Variants in FBLN1 observed in about 807,000 individuals in gnomAD.
FBLN1 encodes the protein fibulin 1.
In FBLN1, 34 loss-of-function variants were observed where a neutral mutation model predicts 89.7. That is an observed-to-expected ratio of 0.38 (90% CI 0.29 to 0.50). The LOEUF is 0.50. FBLN1 is among the 20% of genes least tolerant of loss of function. The probability of loss-of-function intolerance (pLI) is 0.92; values close to 1 mark genes in which losing one functional copy is unlikely to be tolerated. For synonymous variants in FBLN1, 393 were observed against 391.3 expected (o/e 1.00, Z -0.05); for missense variants, 777 against 988.1 (o/e 0.79, Z 2.86).
chr22:45,503,878 G>A (rs2087982375), intron 1 of FBLN1, among the ~76,000 whole-genome samples: 1 of 152,156 alleles, frequency 6.6e-6, no homozygotes, highest in African/African-American at 2.4e-5. Flanking sequence ...CACCCAGCCC[G>A]CGCTTTTCTC....
chr22:45,507,405 A>G (rs998581709), intron 1 of FBLN1, among the ~76,000 whole-genome samples: 6 of 152,228 alleles, frequency 3.9e-5, no homozygotes, highest in South Asian at 2.1e-4. Context: ...TTCCTTCACT[A>G]TAAGATGTGA....
intron 14 of FBLN1, among the ~76,000 whole-genome samples, chr22:45,573,131 CAGG>C (rs1387570154): frequency 1.3e-5 from 2 of 151,856 alleles, no homozygotes; most frequent in East Asian, 3.9e-4. Flanking sequence ...GAGGCTGAGG[CAGG>C]AGAATTGCTT....
chr22:45,591,580 T>A (rs2089136766), intron 16 of FBLN1, among the ~76,000 whole-genome samples: 2 of 152,154 alleles, frequency 1.3e-5, no homozygotes, highest in Non-Finnish European at 2.9e-5. Context: ...ACACTTAGTA[T>A]TTTAAATATG....
intron 11 of FBLN1, among the ~76,000 whole-genome samples, chr22:45,544,380 C>T (rs550087485): frequency 6.6e-6 from 1 of 152,308 alleles, no homozygotes; most frequent in East Asian, 1.9e-4. Context: ...AGCCACCGCG[C>T]CCGGCCTGCC....
intron 2 of FBLN1, among the ~76,000 whole-genome samples, chr22:45,522,897 G>T (rs77827866): frequency 2.0e-5 from 3 of 152,178 alleles, no homozygotes; most frequent in Admixed American, 6.5e-5. Flanking sequence ...GCCAGGCTCC[G>T]TTCTGGTGAG....
chr22:45,518,473 C>G (rs2088200663), intron 1 of FBLN1: 2 of 622,302 alleles, frequency 3.2e-6, no homozygotes, highest in East Asian at 5.6e-5. Flanking sequence ...GGATTCAGGT[C>G]TTTCTTCTAG....
Position 45,550,427 on chromosome 22 carries a change from G to A in FBLN1, c.1574-65G>A, listed in dbSNP as rs571118177. 2.8e-5 allele frequency: 45 copies of A among 1,612,192 alleles called. No homozygotes were observed. The East Asian group carries it at 6.0e-4, about 22-fold the overall frequency. On this transcript the variant is annotated intron_variant, in intron 13 of 16. Coordinates refer to ENST00000327858, the MANE Select transcript of FBLN1 (RefSeq NM_006486.3). This position sits in a 1 kb window ranked among gnomAD's most constrained non-coding sequence, Gnocchi z 8.4. ...GTTGATGGGAGGCCTGGGCTCCTCC[G>A]TCTCCAGATGGGTATGGCTCCTGCA...
rs1253187708 is a variant in FBLN1 at position 45,597,345 on chromosome 22, T to C, written c.1973-2962T>C. Among the ~76,000 whole-genome samples, 2 of 152,150 alleles carry C rather than the reference T, an allele frequency of 1.3e-5. No homozygotes were observed. Among genetic ancestry groups the C allele is most frequent in the Admixed American group, 1.3e-4 (2 of 15,272 alleles). On this transcript the variant is annotated intron_variant, in intron 16 of 16. Transcript: ENST00000327858. The surrounding 1 kb of genome is among the most constrained non-coding windows in gnomAD (Gnocchi z 4.2). Reference sequence around the variant, plus strand: ...CTGTTGCTTGTGGAGGTGCCTGCCATTCCTCCCTACAGTGATTCACAGGCT... The same window carrying C: ...CTGTTGCTTGTGGAGGTGCCTGCCACTCCTCCCTACAGTGATTCACAGGCT...
Position 45,550,944 on chromosome 22 carries a change from C to G in FBLN1, c.1697+329C>G, listed in dbSNP as rs1234065666. On this transcript the variant is annotated intron_variant, in intron 14 of 16. Transcript: ENST00000327858. This position sits in a 1 kb window ranked among gnomAD's most constrained non-coding sequence, Gnocchi z 8.4. ...GCTCTCTGGGCCTCAGTTTCCTCATCTGTAACATGCAGATGTCAGAACGTG... is the reference window on the plus strand; with the variant it reads ...GCTCTCTGGGCCTCAGTTTCCTCATGTGTAACATGCAGATGTCAGAACGTG... 9.5e-6 allele frequency: 4 copies of G among 422,198 alleles called. No homozygotes were observed. The highest frequency in any genetic ancestry group is 2.0e-5 in the African/African-American group (1 of 49,406). 26.2% of individuals were successfully genotyped at this position (422,198 alleles called of 1,614,324 possible). A position where few individuals can be genotyped will look rare whatever the true frequency, so the allele number is the denominator to read the frequency against.
chr22:45,546,492 GC>G (rs1480167557), intron 11 of FBLN1, among the ~76,000 whole-genome samples: 7 of 152,356 alleles, frequency 4.6e-5, no homozygotes, highest in African/African-American at 1.7e-4. Flanking sequence ...GGAATTACAG[GC>G]ATGAGCCACC....
chr22:45,530,770 CT>C lies in FBLN1; in HGVS notation c.485-485del, dbSNP rs11319959. ...CTGTGGTCTTTCTGTTATAACTGAT[CT>C]TTTTTTTTTGAAACGGAGTCTCGCT... On this transcript the variant is annotated intron_variant, in intron 4 of 16. Transcript: ENST00000327858. This position sits in a 1 kb window ranked among gnomAD's most constrained non-coding sequence, Gnocchi z 5.4. Among the ~76,000 whole-genome samples the C allele has an allele frequency of 0.16, 23,412 of 149,594 alleles. 2,370 individuals are homozygous for C. Among genetic ancestry groups the C allele is most frequent in the African/African-American group, 0.29 (11,791 of 40,910 alleles).
intron 2 of FBLN1, among the ~76,000 whole-genome samples, chr22:45,522,022 G>A (rs2088258393): frequency 6.6e-6 from 1 of 151,666 alleles, no homozygotes; most frequent in East Asian, 1.9e-4. Flanking sequence ...GTCTGGCCCT[G>A]TCGCCCAGGC....
intron 16 of FBLN1, among the ~76,000 whole-genome samples, chr22:45,598,334 G>A (rs184744654): frequency 2.0e-5 from 3 of 152,310 alleles, no homozygotes; most frequent in South Asian, 4.1e-4. Context: ...CCGATGGTAC[G>A]ACCAGAGAGC....
Position 45,562,551 on chromosome 22 carries a change from G to A in FBLN1, c.1697+11936G>A, listed in dbSNP as rs1450630730. On this transcript the variant is annotated intron_variant, in intron 14 of 16. Transcript: ENST00000327858. The surrounding 1 kb of genome is among the most constrained non-coding windows in gnomAD (Gnocchi z 7.8). ...CCTCCGAGACACAACCAAGAGCCCT[G>A]CGTAGCCCTGGCCACTGTCTGGGCA... 6.6e-6 allele frequency among the ~76,000 whole-genome samples: 1 copy of A among 152,184 alleles called. No individual in the cohort carries two copies. Among genetic ancestry groups the A allele is most frequent in the African/African-American group, 2.4e-5 (1 of 41,450 alleles).
rs117939360 is a variant in FBLN1 at position 45,588,678 on chromosome 22, T to C, written c.1972+11570T>C. Among the ~76,000 whole-genome samples, 1 of 152,242 alleles carries C rather than the reference T, an allele frequency of 6.6e-6. No homozygotes were observed. Among genetic ancestry groups the C allele is most frequent in the Non-Finnish European group, 1.5e-5 (1 of 68,018 alleles). ...CTCCAGAGCCTCCCGCAGGAATGAT[T>C]TGTGACCCTCTTAGGCTGCTGGTCT... On this transcript the variant is annotated intron_variant, in intron 16 of 16. Coordinates refer to ENST00000327858, the MANE Select transcript of FBLN1 (RefSeq NM_006486.3). The surrounding 1 kb of genome is among the most constrained non-coding windows in gnomAD (Gnocchi z 5.1).
At chr22:45,504,642 T>C (rs2087993934) in intron 1 of FBLN1, among the ~76,000 whole-genome samples, 1 of 152,126 alleles carries the variant, frequency 6.6e-6, no homozygotes, top group South Asian at 2.1e-4. Flanking sequence ...GGTAAAACTC[T>C]CCCTGGCCCC....
intron 14 of FBLN1, among the ~76,000 whole-genome samples, chr22:45,564,413 T>C (rs1454453439): frequency 6.6e-6 from 1 of 152,260 alleles, no homozygotes; most frequent in Non-Finnish European, 1.5e-5. Context: ...ATTTAGTCCT[T>C]GCATGCAATT....
intron 11 of FBLN1, among the ~76,000 whole-genome samples, chr22:45,546,450 G>C (rs937653753): frequency 6.6e-6 from 1 of 152,190 alleles, no homozygotes; most frequent in African/African-American, 2.4e-5. Context: ...CCCTGACCTC[G>C]TGATCCGCCC....
intron 16 of FBLN1, among the ~76,000 whole-genome samples, chr22:45,592,737 G>T (rs2089149659): frequency 6.6e-6 from 1 of 152,180 alleles, no homozygotes; most frequent in Admixed American, 6.5e-5. Context: ...GTGATGGTTT[G>T]CTTCTTCCCA....
Sources: gnomAD v4.1 joint callset for allele counts (sites outside exome capture counted in the v4.1 genomes callset) on GRCh38, gnomAD v4.1.1 for gene constraint, Gnocchi (gnomAD v3.1) non-coding constraint, MANE v1.5 for transcripts, NCBI Gene and HGNC (gene_info 2026-07-23, HGNC 2026-07-21) for gene names.